ATE1: variants seen among roughly 807,000 people sequenced by gnomAD.
The protein encoded by ATE1 is arginyltransferase 1.
In ATE1, 36 loss-of-function variants were observed where a neutral mutation model predicts 70.5. That is an observed-to-expected ratio of 0.51 (90% CI 0.39 to 0.67). The LOEUF (loss-of-function observed/expected upper bound fraction) is 0.67, where lower values mean the gene tolerates loss of function less well. Among genes scored for constraint, ATE1 ranks in the 30% least tolerant of loss-of-function variants. ATE1 has a pLI of 0.00. For missense variants in ATE1, 593 were observed against 629.5 expected (o/e 0.94, Z 0.62); for synonymous variants, 232 against 219.3 (o/e 1.06, Z -0.51).
intron 11 of ATE1, among the ~76,000 whole-genome samples, chr10:121,783,629 G>A: frequency 6.6e-6 from 1 of 151,760 alleles, no homozygotes; most frequent in East Asian, 1.9e-4. Flanking sequence ...TTAAATAGCT[G>A]GTATGGGCTT....
chr10:121,760,136 T>C (rs1944979294), intron 11 of ATE1, among the ~76,000 whole-genome samples: 1 of 152,246 alleles, frequency 6.6e-6, no homozygotes, highest in Non-Finnish European at 1.5e-5. Flanking sequence ...ACTGGCAATG[T>C]GCCTGGTTAC....
rs549459992 is a variant in ATE1, at chr10:121,885,203, G to A, written c.942+14663C>T. On this transcript the variant is annotated intron_variant, in intron 7 of 11. Transcript: ENST00000224652. ...TTGAACCTGGGAGGTGGAGGTTGCC[G>A]TGAGCCAAGATCATGCCATTACATT... Among the ~76,000 whole-genome samples the A allele has an allele frequency of 1.3e-4, 19 of 145,220 alleles. No homozygotes were observed. The South Asian group carries it at 1.5e-3, about 12-fold the overall frequency.
intron 7 of ATE1, chr10:121,899,117 C>T (rs866653357): frequency 1.7e-5 from 14 of 831,032 alleles, no homozygotes; most frequent in African/African-American, 6.9e-5. Context: ...ACGAGGCAGA[C>T]GGGTGCAGAG....
At chr10:121,888,508 G>A (rs570141396) in intron 7 of ATE1, among the ~76,000 whole-genome samples, 1 of 152,284 alleles carries the variant, frequency 6.6e-6, no homozygotes, top group Non-Finnish European at 1.5e-5. Flanking sequence ...AAGGACAACC[G>A]ACATTACATG....
intron 7 of ATE1, among the ~76,000 whole-genome samples, chr10:121,893,901 G>A (rs1170345565): frequency 6.6e-6 from 1 of 152,152 alleles, no homozygotes; most frequent in East Asian, 1.9e-4. Context: ...ACTTTGGGAG[G>A]CCGAGGCAGG....
At chr10:121,797,395 T>C (rs1946700189) in intron 10 of ATE1, among the ~76,000 whole-genome samples, 1 of 152,102 alleles carries the variant, frequency 6.6e-6, no homozygotes, top group Non-Finnish European at 1.5e-5. Flanking sequence ...GCACTTTTTG[T>C]TTTCATAAGG....
At chr10:121,819,799 C>G (rs1044262965) in intron 10 of ATE1, among the ~76,000 whole-genome samples, 2 of 151,476 alleles carry the variant, frequency 1.3e-5, no homozygotes, top group Non-Finnish European at 1.5e-5. Context: ...AACCAAATAC[C>G]AGCTGTTCCC....
chr10:121,898,943 C>T (rs1233152185), intron 7 of ATE1: 1 of 1,613,616 alleles, frequency 6.2e-7, no homozygotes, highest in Non-Finnish European at 8.5e-7. Flanking sequence ...ACTCTGGGTC[C>T]TCAAAGGAGA....
intron 11 of ATE1, among the ~76,000 whole-genome samples, chr10:121,785,530 G>A (rs1036565665): frequency 2.0e-5 from 3 of 152,122 alleles, no homozygotes; most frequent in African/African-American, 7.2e-5. Context: ...GCATATGCTA[G>A]AGAAACTATG....
At chr10:121,824,217 C>T (rs960485268) in intron 10 of ATE1, among the ~76,000 whole-genome samples, 1 of 152,198 alleles carries the variant, frequency 6.6e-6, no homozygotes, top group Non-Finnish European at 1.5e-5. Flanking sequence ...AGAAAACATG[C>T]TGAATCAAAA....
At chr10:121,927,638 G>A (rs1290182453) in intron 1 of ATE1, among the ~76,000 whole-genome samples, 1 of 152,094 alleles carries the variant, frequency 6.6e-6, no homozygotes, top group Non-Finnish European at 1.5e-5. Flanking sequence ...CGAGAGTACG[G>A]GCACCGGTTA....
intron 11 of ATE1, among the ~76,000 whole-genome samples, chr10:121,758,538 T>C (rs1047806407): frequency 5.3e-5 from 8 of 152,346 alleles, no homozygotes; most frequent in African/African-American, 1.7e-4. Flanking sequence ...TCACTTTCCT[T>C]ACAATAGTAT....
intron 10 of ATE1, among the ~76,000 whole-genome samples, chr10:121,815,998 AAAATTG>A (rs1249525628): frequency 5.9e-5 from 9 of 152,204 alleles, no homozygotes; most frequent in Admixed American, 5.9e-4. Context: ...AGAGGGATAC[AAAATTG>A]ATCCTATAGA....
chr10:121,896,483 A>T (rs898212673), intron 7 of ATE1, among the ~76,000 whole-genome samples: 20 of 152,152 alleles, frequency 1.3e-4, no homozygotes, highest in African/African-American at 4.6e-4. Context: ...TTATTTTTTT[A>T]AAAATCTGGC....
intron 3 of ATE1, among the ~76,000 whole-genome samples, chr10:121,916,033 G>T (rs1951641211): frequency 6.6e-6 from 1 of 151,452 alleles, no homozygotes; most frequent in South Asian, 2.1e-4. Context: ...TCAGGAGATG[G>T]AGACCACCCT....
At chr10:121,911,442 T>TAAAAA (rs371014661) in intron 4 of ATE1, among the ~76,000 whole-genome samples, 1 of 128,332 alleles carries the variant, frequency 7.8e-6, no homozygotes, top group African/African-American at 3.1e-5. Flanking sequence ...TACAGTAAAT[T>TAAAAA]AAAAAAAAAA....
chr10:121,791,769 T>C (rs1325035602), intron 10 of ATE1, among the ~76,000 whole-genome samples: 1 of 152,200 alleles, frequency 6.6e-6, no homozygotes, highest in Non-Finnish European at 1.5e-5. Flanking sequence ...TATGTTCTAG[T>C]CTATTTTATT....
chr10:121,760,810 T>C (rs993017231), intron 11 of ATE1, among the ~76,000 whole-genome samples: 5 of 152,222 alleles, frequency 3.3e-5, no homozygotes, highest in African/African-American at 4.8e-5. Context: ...GAGAACTCTT[T>C]TGTGAATGGA....
intron 8 of ATE1, among the ~76,000 whole-genome samples, chr10:121,859,296 G>A (rs1486749666): frequency 2.8e-5 from 4 of 145,326 alleles, no homozygotes; most frequent in East Asian, 2.0e-4. Flanking sequence ...TCAGTCTGTC[G>A]CCCAGGCTGG....
Sources: allele counts gnomAD v4.1 joint callset (sites outside exome capture counted in the v4.1 genomes callset), GRCh38; gene constraint gnomAD v4.1.1; transcripts MANE v1.5; gene names NCBI Gene and HGNC (gene_info 2026-07-23, HGNC 2026-07-21).